COL4A4: variants seen among roughly 807,000 people sequenced by gnomAD.
COL4A4 encodes the protein collagen alpha-4(IV) chain.
In COL4A4, 105 loss-of-function variants were observed where a neutral mutation model predicts 192.9. The ratio of observed to expected loss-of-function variants is 0.54; its 90% CI spans 0.46 to 0.64. COL4A4 has a LOEUF of 0.64. COL4A4 is among the 30% of genes least tolerant of loss of function. The probability of loss-of-function intolerance (pLI) is 0.00; values close to 1 mark genes in which losing one functional copy is unlikely to be tolerated. For missense variants in COL4A4, 1,967 were observed against 2,169.3 expected (o/e 0.91, Z 1.85); for synonymous variants, 762 against 769.9 (o/e 0.99, Z 0.17).
At chr2:227,039,718 C>T (rs1023347687) in intron 37 of COL4A4, among the ~76,000 whole-genome samples, 5 of 152,078 alleles carry the variant, frequency 3.3e-5, no homozygotes, top group African/African-American at 1.2e-4. Context: ...TGGTTCTTTA[C>T]CAACTGTCTT....
At chr2:227,000,768 GTCATGGGAGGGGAC>G (rs1227061841), downstream of COL4A4, among the ~76,000 whole-genome samples, 1 of 151,866 alleles carries the variant, frequency 6.6e-6, no homozygotes, top group Non-Finnish European at 1.5e-5. Flanking sequence ...ATTCCCACGT[GTCATGGGAGGGGAC>G]TCGGTGGGAG....
At chr2:226,985,212 A>G in the COL4A4 span, among the ~76,000 whole-genome samples, 1 of 152,218 alleles carries the variant, frequency 6.6e-6, no homozygotes, top group African/African-American at 2.4e-5. Context: ...GAAATTCAGG[A>G]TTAGAACTGG....
rs543820451 is a variant in COL4A4 at position 227,094,490 on chromosome 2, A to G, written c.1205-201T>C. 3.3e-5 allele frequency among the ~76,000 whole-genome samples: 5 copies of G among 152,310 alleles called. No individual in the cohort carries two copies. The East Asian group carries it at 9.7e-4, about 29-fold the overall frequency. The stretch of plus-strand genomic sequence containing the variant: ...TGATCTCACTTATATGTGGAATCTG[A>G]AATAGTCAAACTCATAAAAGCAGAG... On this transcript the variant is annotated intron_variant, in intron 19 of 47. Coordinates refer to ENST00000396625, the MANE Select transcript of COL4A4 (RefSeq NM_000092.5).
At chr2:227,080,375 G>A in intron 24 of COL4A4, 68 bp downstream of exon 24, 2 of 1,364,424 alleles carry the variant, frequency 1.5e-6, no homozygotes, top group Non-Finnish European at 2.1e-6. Flanking sequence ...ATAGAGAAAG[G>A]GGAAATAGTT....
At chr2:227,049,516 A>C (rs1973591970) in intron 34 of COL4A4, among the ~76,000 whole-genome samples, 1 of 152,342 alleles carries the variant, frequency 6.6e-6, no homozygotes, top group East Asian at 1.9e-4. Flanking sequence ...CTGGCCCTTT[A>C]GGAAAAAAAT....
At position 227,005,293 on chromosome 2, in the gene COL4A4, G is replaced by A. The variant is rs549276332; in HGVS notation, c.*2032C>T. 4.6e-5 allele frequency: 7 copies of A among 152,038 alleles called. No homozygotes were observed. Among genetic ancestry groups the A allele is most frequent in the Non-Finnish European group, 8.8e-5 (6 of 68,000 alleles). 9.4% of individuals were successfully genotyped at this position (152,038 alleles called of 1,614,324 possible). ...TTAAAATAATTAGCAAGCAAGATAC[G>A]TTTCTGATGTTCCATTTGTCACCCT... On this transcript the variant is annotated 3_prime_UTR_variant, in exon 48 of 48. Transcript: ENST00000396625.
the COL4A4 span, among the ~76,000 whole-genome samples, chr2:226,981,977 C>T: frequency 6.6e-6 from 1 of 152,234 alleles, no homozygotes; most frequent in Non-Finnish European, 1.5e-5. Context: ...TGGAGAAGCC[C>T]ACCCTGGTTT....
chr2:227,024,071 T>C (rs961423466), intron 43 of COL4A4, among the ~76,000 whole-genome samples: 20 of 151,582 alleles, frequency 1.3e-4, no homozygotes, highest in African/African-American at 3.9e-4. Context: ...GACACTTCTG[T>C]GGTGACACAG....
intron 20 of COL4A4, among the ~76,000 whole-genome samples, chr2:227,091,966 C>T (rs1456720412): frequency 3.3e-5 from 5 of 151,586 alleles, no homozygotes; most frequent in Admixed American, 2.6e-4. Flanking sequence ...GACATGAAAG[C>T]TACATGCTGG....
At chr2:227,158,352 T>C (rs914812155) in intron 1 of COL4A4, among the ~76,000 whole-genome samples, 1 of 152,100 alleles carries the variant, frequency 6.6e-6, no homozygotes, top group South Asian at 2.1e-4. Context: ...AAAGAGATCA[T>C]TGAGGTAAAA....
rs1275189691 is a variant in COL4A4, at chr2:227,005,026, C to T, written c.*2299G>A. Reference sequence around the variant, plus strand: ...GTTTAAGGTAACAGGATCTTCTATTCCAAGAAGTTATTTTTCCGCCCTTTT... The same window carrying T: ...GTTTAAGGTAACAGGATCTTCTATTTCAAGAAGTTATTTTTCCGCCCTTTT... On this transcript the variant is annotated 3_prime_UTR_variant, in exon 48 of 48. Coordinates refer to ENST00000396625, the MANE Select transcript of COL4A4 (RefSeq NM_000092.5). 1.3e-5 allele frequency: 2 copies of T among 152,070 alleles called. No homozygotes were observed. The highest frequency in any genetic ancestry group is 4.8e-5 in the African/African-American group (2 of 41,400). The allele number at this position is 152,070 out of a possible 1,614,324, so 9.4% of individuals were successfully genotyped here. A position where few individuals can be genotyped will look rare whatever the true frequency, so the allele number is the denominator to read the frequency against.
At chr2:227,083,055 C>A (rs2059406496) in intron 22 of COL4A4, among the ~76,000 whole-genome samples, 1 of 151,998 alleles carries the variant, frequency 6.6e-6, no homozygotes, top group Non-Finnish European at 1.5e-5. Flanking sequence ...ATGGTGAAAC[C>A]CCGTCCCTAC....
chr2:226,989,132 A>G, the COL4A4 span, among the ~76,000 whole-genome samples: 1 of 152,258 alleles, frequency 6.6e-6, no homozygotes, highest in African/African-American at 2.4e-5. Flanking sequence ...GCCACTGACC[A>G]GCTATTTGGC....
At chr2:227,148,234 A>C (rs913022146) in intron 1 of COL4A4, among the ~76,000 whole-genome samples, 6 of 152,252 alleles carry the variant, frequency 3.9e-5, no homozygotes, top group African/African-American at 1.4e-4. Flanking sequence ...CATAACAGCC[A>C]GAAGGTGAAC....
Position 227,057,547 on chromosome 2 carries a change from CCT to C in COL4A4, c.2435_2436del (p.Glu812GlyfsTer17), listed in dbSNP as rs1448532668. 1 of 1,614,074 alleles carries C rather than the reference CCT, an allele frequency of 6.2e-7. No homozygotes were observed. Among genetic ancestry groups the C allele is most frequent in the Non-Finnish European group, 8.5e-7 (1 of 1,180,008 alleles). ...GGGACACCTGGAAACCCAGCATGTC[CCT>C]CTCTGCCTTTGGGACCTTTGAGACC... ...FLGLKGPKGR[E>X]GHAGFPGVPG... On this transcript the variant is annotated frameshift_variant, in exon 29 of 48. Coordinates refer to ENST00000396625, the MANE Select transcript of COL4A4 (RefSeq NM_000092.5). LOFTEE classifies it high-confidence loss of function.
chr2:227,104,021 G>T lies in COL4A4; in HGVS notation c.767C>A (p.Pro256His). Residue 256 changes from proline (P) to histidine (H), a missense_variant, in exon 13 of 48, where the codon CCC (proline) becomes CAC (histidine). Transcript: ENST00000396625. ...GTCAGGTGGCTCTACCAACAGGGTG[G>T]GTCCAGGAGAACCTTGCTGACCAAC... ...GEVGQQGSPG[P>H]TLLVEPPDFC... 1 of 1,613,116 alleles carries T rather than the reference G, an allele frequency of 6.2e-7. No individual in the cohort carries two copies. The highest frequency in any genetic ancestry group is 2.2e-5 in the East Asian group (1 of 44,840).
chr2:227,140,875 T>TCACACACACACACA (rs71036159), intron 3 of COL4A4, among the ~76,000 whole-genome samples: 1 of 139,754 alleles, frequency 7.2e-6, no homozygotes, highest in Non-Finnish European at 1.5e-5. Context: ...CTTTAGAGCA[T>TCACACACACACACA]CACACACACA....
chr2:227,001,119 G>A (rs1374721623), downstream of COL4A4, among the ~76,000 whole-genome samples: 4 of 150,296 alleles, frequency 2.7e-5, no homozygotes, highest in South Asian at 8.4e-4. Context: ...TTTTGAGACA[G>A]AGTCTCGCTC....
In COL4A4 at chr2:227,008,133, C is replaced by T. The variant is rs200109045; in HGVS notation, c.4694G>A (p.Arg1565His). ...GGCCGGGGCCTCGCATACCGCACAG[C>T]GGCTGACATAGGGGCGGATCGCCTC... ...SEEAIRPYVS[R>H]CAVCEAPAQA... Residue 1565 changes from arginine (R) to histidine (H), a missense_variant, in exon 47 of 48, where the codon CGC (arginine) becomes CAC (histidine). Coordinates refer to ENST00000396625, the MANE Select transcript of COL4A4 (RefSeq NM_000092.5). 8 of 1,613,958 alleles carry T rather than the reference C, an allele frequency of 5.0e-6. No homozygotes were observed. Among genetic ancestry groups the T allele is most frequent in the South Asian group, 2.2e-5 (2 of 91,068 alleles).
Sources: allele counts gnomAD v4.1 joint callset (sites outside exome capture counted in the v4.1 genomes callset), GRCh38; gene constraint gnomAD v4.1.1; transcripts MANE v1.5; gene names NCBI Gene and HGNC (gene_info 2026-07-23, HGNC 2026-07-21).